Variants in TMPRSS11A observed in about 807,000 individuals in gnomAD.
The protein encoded by TMPRSS11A is transmembrane protease serine 11A.
A neutral mutation model predicts 58.9 loss-of-function variants in TMPRSS11A; 53 were observed. That is an observed-to-expected ratio of 0.90 (90% CI 0.72 to 1.13). TMPRSS11A has a LOEUF of 1.13. TMPRSS11A is among the 50% of genes most tolerant of loss of function. TMPRSS11A has a pLI of 0.00. For synonymous variants in TMPRSS11A, 167 were observed against 169.8 expected (o/e 0.98, Z 0.13); for missense variants, 493 against 499.3 (o/e 0.99, Z 0.12).
chr4:67,927,263 TAGG>T (rs1720499159), intron 5 of TMPRSS11A, among the ~76,000 whole-genome samples: 1 of 152,134 alleles, frequency 6.6e-6, no homozygotes, highest in Non-Finnish European at 1.5e-5. Context: ...TGCAGCCCTT[TAGG>T]GATCCCAGAC....
intron 1 of TMPRSS11A, among the ~76,000 whole-genome samples, chr4:67,962,232 G>A (rs953943059): frequency 6.6e-6 from 1 of 152,018 alleles, no homozygotes; most frequent in African/African-American, 2.4e-5. Flanking sequence ...CCTTTCTGAG[G>A]GTCTCAGAGA....
At chr4:67,952,152 C>G (rs1721177932) in intron 1 of TMPRSS11A, among the ~76,000 whole-genome samples, 2 of 152,144 alleles carry the variant, frequency 1.3e-5, no homozygotes, top group Admixed American at 1.3e-4. Flanking sequence ...ATTTTATTCT[C>G]CAAACACTGC....
intron 1 of TMPRSS11A, among the ~76,000 whole-genome samples, chr4:67,950,669 A>G (rs1408586642): frequency 6.6e-6 from 1 of 152,262 alleles, no homozygotes; most frequent in Non-Finnish European, 1.5e-5. Flanking sequence ...CCTTTCAGGA[A>G]AATGAACAGA....
intron 8 of TMPRSS11A, among the ~76,000 whole-genome samples, chr4:67,917,676 G>A (rs570005627): frequency 2.0e-5 from 3 of 152,260 alleles, no homozygotes; most frequent in Admixed American, 2.0e-4. Context: ...TGCTCTATAA[G>A]TGTCAGATTC....
At chr4:67,954,339 C>G (rs1721232858) in intron 1 of TMPRSS11A, among the ~76,000 whole-genome samples, 1 of 152,248 alleles carries the variant, frequency 6.6e-6, no homozygotes, top group African/African-American at 2.4e-5. Context: ...CACTTCAGGA[C>G]AAGCCCACAG....
chr4:67,925,299 C>A (rs140756111), intron 5 of TMPRSS11A, among the ~76,000 whole-genome samples: 2 of 152,202 alleles, frequency 1.3e-5, no homozygotes, highest in East Asian at 3.9e-4. Flanking sequence ...TTATATCTTA[C>A]TAAAGCTGGG....
In TMPRSS11A at chr4:67,914,747, G is replaced by A. The variant is rs748922868; in HGVS notation, c.953-17C>T. On this transcript the variant is annotated splice_polypyrimidine_tract_variant and intron_variant, in intron 8 of 9. Coordinates refer to ENST00000508048, the MANE Select transcript of TMPRSS11A (RefSeq NM_001114387.2). The stretch of plus-strand genomic sequence containing the variant: ...GGGATTCCCCTTAAGGAAAAATAGA[G>A]TTATTCTAGTATTTACAATCAGCAT... The A allele has an allele frequency of 6.2e-7, 1 of 1,606,780 alleles. No homozygotes were observed. The highest frequency in any genetic ancestry group is 1.3e-5 in the African/African-American group (1 of 74,716).
rs1399391063 is a variant in TMPRSS11A, at chr4:67,919,205, A to G, written c.720T>C (p.Val240=). ...QKYKNPHQWT[V]SFGTKINPPL... is the part of the protein sequence containing the mutation. Reference sequence around the variant, plus strand: ...GAGGGTTGATTTTTGTTCCAAAACTAACAGTCCATTGATGTGGATTTTTAT... The same window carrying G: ...GAGGGTTGATTTTTGTTCCAAAACTGACAGTCCATTGATGTGGATTTTTAT... The change falls in exon 8 of 10, where the codon GTT becomes GTC. Residue 240 remains valine (V), a synonymous_variant. Transcript: ENST00000508048. 5.0e-6 allele frequency: 8 copies of G among 1,614,020 alleles called. No individual in the cohort carries two copies. The highest frequency in any genetic ancestry group is 5.9e-6 in the Non-Finnish European group (7 of 1,179,996).
chr4:67,962,346 C>T lies in TMPRSS11A; in HGVS notation c.11+1037G>A, dbSNP rs574974361. Among the ~76,000 whole-genome samples the T allele has an allele frequency of 2.6e-4, 39 of 152,132 alleles. No homozygotes were observed. The South Asian group carries it at 6.4e-3, about 25-fold the overall frequency. Reference sequence around the variant, plus strand: ...AGTTCACTAACTTAGTGGCCAATCTCGTATCAAATTATCATCTCTGAAATT... The same window carrying T: ...AGTTCACTAACTTAGTGGCCAATCTTGTATCAAATTATCATCTCTGAAATT... On this transcript the variant is annotated intron_variant, in intron 1 of 9. Coordinates refer to ENST00000508048, the MANE Select transcript of TMPRSS11A (RefSeq NM_001114387.2).
At chr4:67,933,047 G>A (rs368379190) in intron 3 of TMPRSS11A, among the ~76,000 whole-genome samples, 16 of 151,824 alleles carry the variant, frequency 1.1e-4, no homozygotes, top group Non-Finnish European at 1.3e-4. Context: ...CCAAATGTGC[G>A]CACAAAATAT....
chr4:67,940,983 C>T (rs1481890486), intron 3 of TMPRSS11A, among the ~76,000 whole-genome samples: 2 of 152,144 alleles, frequency 1.3e-5, no homozygotes, highest in Non-Finnish European at 2.9e-5. Context: ...TCTCCACCTG[C>T]AGGATGGCCA....
intron 1 of TMPRSS11A, among the ~76,000 whole-genome samples, chr4:67,954,417 T>A (rs1385412189): frequency 6.6e-6 from 1 of 152,184 alleles, no homozygotes; most frequent in East Asian, 1.9e-4. Flanking sequence ...GCCCTGTCTT[T>A]CCTCTAGCAT....
intron 8 of TMPRSS11A, among the ~76,000 whole-genome samples, chr4:67,918,262 G>A (rs769335605): frequency 2.6e-5 from 4 of 152,158 alleles, no homozygotes; most frequent in Non-Finnish European, 4.4e-5. Flanking sequence ...TCCAGAGCGT[G>A]TCTCACTAAG....
intron 3 of TMPRSS11A, among the ~76,000 whole-genome samples, chr4:67,942,695 A>T (rs574594385): frequency 4.7e-4 from 71 of 152,282 alleles, no homozygotes; most frequent in African/African-American, 1.7e-3. Context: ...CAAGTTAAGT[A>T]TATGTACATT....
rs1334470618 is a variant in TMPRSS11A at position 67,911,120 on chromosome 4, A to AT, written c.*221dup. On this transcript the variant is annotated 3_prime_UTR_variant, in exon 10 of 10. Transcript: ENST00000508048. ...TTAAAGAGCTAAGTATCTCTACCGT[A>AT]TTTTTCAAGCCAGATCCATTACTTT... The AT allele has an allele frequency of 1.5e-5, 6 of 408,372 alleles. No individual in the cohort carries two copies. The highest frequency in any genetic ancestry group is 2.2e-5 in the Non-Finnish European group (5 of 227,728). 25.3% of individuals were successfully genotyped at this position (408,372 alleles called of 1,614,324 possible).
chr4:67,920,774 T>A (rs1318473596), intron 7 of TMPRSS11A, among the ~76,000 whole-genome samples: 2 of 151,988 alleles, frequency 1.3e-5, no homozygotes, highest in African/African-American at 4.8e-5. Context: ...ATCCTCTCCC[T>A]CTAGCACTCT....
chr4:67,929,187 C>T (rs1000122246), intron 5 of TMPRSS11A, among the ~76,000 whole-genome samples: 22 of 151,944 alleles, frequency 1.4e-4, no homozygotes, highest in African/African-American at 3.6e-4. Context: ...GGTGAATTTG[C>T]GTACGTCACT....
chr4:67,953,729 C>G (rs947638131), intron 1 of TMPRSS11A, among the ~76,000 whole-genome samples: 1 of 151,678 alleles, frequency 6.6e-6, no homozygotes, highest in Non-Finnish European at 1.5e-5. Flanking sequence ...ACCCAGGAGG[C>G]AGAGTTTGCA....
At chr4:67,918,031 G>T (rs971020698) in intron 8 of TMPRSS11A, among the ~76,000 whole-genome samples, 3 of 152,138 alleles carry the variant, frequency 2.0e-5, no homozygotes, top group African/African-American at 7.2e-5. Flanking sequence ...CCCTAAAACC[G>T]ATTCCTGCCT....
Sources: allele counts gnomAD v4.1 joint callset (sites outside exome capture counted in the v4.1 genomes callset), GRCh38; gene constraint gnomAD v4.1.1; transcripts MANE v1.5; gene names NCBI Gene and HGNC (gene_info 2026-07-23, HGNC 2026-07-21).